FOXN3: variants seen among roughly 807,000 people sequenced by gnomAD.
FOXN3 encodes the protein forkhead box protein N3.
Under a neutral mutation model 38.4 loss-of-function variants are expected in FOXN3, and 7 were observed. That is an observed-to-expected ratio of 0.18 (90% confidence interval 0.10 to 0.34). FOXN3 has a LOEUF of 0.34. Among genes scored for constraint, FOXN3 ranks in the 10% least tolerant of loss-of-function variants. The pLI is 1.00. For missense variants in FOXN3, 456 were observed against 613.4 expected (o/e 0.74, Z 2.71); for synonymous variants, 230 against 242.2 (o/e 0.95, Z 0.47).
At chr14:89,559,408 T>G (rs1178261554) in intron 1 of FOXN3, among the ~76,000 whole-genome samples, 2 of 152,140 alleles carry the variant, frequency 1.3e-5, no homozygotes, top group African/African-American at 4.8e-5. Flanking sequence ...CCGGGCGTGG[T>G]GGCTCACGCC....
At chr14:89,292,039 C>T (rs918313139) in intron 3 of FOXN3, among the ~76,000 whole-genome samples, 23 of 152,306 alleles carry the variant, frequency 1.5e-4, no homozygotes, top group Admixed American at 9.8e-4. Context: ...CCAAACCTCC[C>T]GCTCCATCTT....
At chr14:89,390,208 AGAGT>A (rs1280232181) in intron 2 of FOXN3, among the ~76,000 whole-genome samples, 3 of 148,758 alleles carry the variant, frequency 2.0e-5, no homozygotes, top group Admixed American at 6.7e-5. Flanking sequence ...CTAAAATGAC[AGAGT>A]GAGACTCCCT....
At chr14:89,278,552 G>A (rs1886367522) in intron 4 of FOXN3, among the ~76,000 whole-genome samples, 1 of 152,086 alleles carries the variant, frequency 6.6e-6, no homozygotes, top group African/African-American at 2.4e-5. Flanking sequence ...GCTGGCTTCT[G>A]CTGGCCAGTC....
chr14:89,283,374 A>C (rs1049506400), intron 3 of FOXN3, among the ~76,000 whole-genome samples: 14 of 152,168 alleles, frequency 9.2e-5, no homozygotes, highest in African/African-American at 3.4e-4. Context: ...AGACAGACTC[A>C]TGGTTATGCC....
chr14:89,587,624 T>A (rs1447501469), intron 1 of FOXN3, among the ~76,000 whole-genome samples: 1 of 151,948 alleles, frequency 6.6e-6, no homozygotes, highest in Non-Finnish European at 1.5e-5. Context: ...TCCAAGCACT[T>A]TGGGAGGCAG....
intron 1 of FOXN3, among the ~76,000 whole-genome samples, chr14:89,503,226 A>T (rs1566677772): frequency 6.6e-6 from 1 of 152,160 alleles, no homozygotes; most frequent in Non-Finnish European, 1.5e-5. Context: ...TGCTACTGCA[A>T]ACTCTTTTGC....
rs769831252 is a variant in FOXN3, at chr14:89,162,457, G to A, written c.1364C>T (p.Thr455Met). ...CTTTTGCTCTTTCTGCCCCTTTGCC[G>A]TCCGATTGGTGATGTTATTCAAACA... is the stretch of plus-strand genomic sequence containing the variant. Reference protein sequence around the residue: ...RSCLNNITNRTAKGQKEQKET... With the variant: ...RSCLNNITNRMAKGQKEQKET... Residue 455 changes from threonine to methionine, a missense_variant, in exon 6 of 6, where the codon ACG becomes ATG. Physicochemically the swap from Thr to Met is moderately conservative, Grantham distance 81. This residue lies in a region of FOXN3 where 386 missense variants were observed against 505.2 expected (regional missense o/e 0.76). Coordinates refer to ENST00000557258, the MANE Select transcript of FOXN3 (RefSeq NM_005197.4). The surrounding 1 kb of genome is among the most constrained non-coding windows in gnomAD (Gnocchi z 7.2). 5 of 1,590,672 alleles carry A rather than the reference G, an allele frequency of 3.1e-6. No individual in the cohort carries two copies. The highest frequency in any genetic ancestry group is 4.3e-6 in the Non-Finnish European group (5 of 1,169,176).
At chr14:89,190,483 C>T in intron 4 of FOXN3, 1 of 1,569,432 alleles carries the variant, frequency 6.4e-7, no homozygotes, top group Non-Finnish European at 8.8e-7. Context: ...ACATTATTTA[C>T]AACGGGGCCG....
At chr14:89,554,010 G>GT (rs1895062065) in intron 1 of FOXN3, among the ~76,000 whole-genome samples, 1 of 151,790 alleles carries the variant, frequency 6.6e-6, no homozygotes, top group South Asian at 2.1e-4. Flanking sequence ...TTTTTGTTTT[G>GT]TTTTTTTATT....
intron 4 of FOXN3, among the ~76,000 whole-genome samples, chr14:89,255,155 G>A (rs1463855206): frequency 6.6e-6 from 1 of 152,198 alleles, no homozygotes; most frequent in Admixed American, 6.5e-5. Flanking sequence ...GGGCGAGAAC[G>A]CTAAGGACAC....
intron 4 of FOXN3, among the ~76,000 whole-genome samples, chr14:89,267,172 C>T (rs1385565428): frequency 6.6e-6 from 1 of 151,968 alleles, no homozygotes; most frequent in Non-Finnish European, 1.5e-5. Context: ...CAGGTTTGAC[C>T]CTGAGGAGAT....
chr14:89,610,872 G>A (rs1896375129), intron 1 of FOXN3, among the ~76,000 whole-genome samples: 1 of 152,154 alleles, frequency 6.6e-6, no homozygotes, highest in African/African-American at 2.4e-5. Context: ...TCCCTTGATT[G>A]ATCTTTTAAA....
At chr14:89,394,557 A>G (rs1403184564) in intron 2 of FOXN3, among the ~76,000 whole-genome samples, 1 of 152,140 alleles carries the variant, frequency 6.6e-6, no homozygotes, top group Non-Finnish European at 1.5e-5. Flanking sequence ...CCACAGCAGG[A>G]GTTTAGTAAA....
intron 1 of FOXN3, among the ~76,000 whole-genome samples, chr14:89,445,092 T>A (rs4899997): frequency 0.94 from 143,276 of 151,860 alleles, 67,653 homozygotes; most frequent in East Asian, 1. Flanking sequence ...ACTGCACTCC[T>A]GACTACCTAG....
At chr14:89,399,069 C>T (rs1396975554) in intron 2 of FOXN3, among the ~76,000 whole-genome samples, 1 of 152,226 alleles carries the variant, frequency 6.6e-6, no homozygotes, top group Non-Finnish European at 1.5e-5. Context: ...ATGTTTCAGA[C>T]TCAAGCCCCA....
chr14:89,174,226 C>T (rs1420193440), intron 5 of FOXN3, among the ~76,000 whole-genome samples: 1 of 152,044 alleles, frequency 6.6e-6, no homozygotes, highest in Middle Eastern at 3.2e-3. Flanking sequence ...TCACAAAATC[C>T]AGTCTAATTC....
intron 3 of FOXN3, among the ~76,000 whole-genome samples, chr14:89,302,470 C>T (rs1034429137): frequency 5.9e-5 from 9 of 152,120 alleles, no homozygotes; most frequent in African/African-American, 1.9e-4. Flanking sequence ...TCTTTGAATT[C>T]CTATGGCGAA....
chr14:89,524,851 T>C (rs913320557), intron 1 of FOXN3, among the ~76,000 whole-genome samples: 1 of 152,118 alleles, frequency 6.6e-6, no homozygotes, highest in Non-Finnish European at 1.5e-5. Context: ...TGAACACTTA[T>C]TAATCTTCCA....
At chr14:89,546,329 C>CTTTCTTTTTTTTTTTTTTTT (rs1555359724) in intron 1 of FOXN3, among the ~76,000 whole-genome samples, 9 of 78,314 alleles carry the variant, frequency 1.1e-4, no homozygotes, top group African/African-American at 4.3e-4. Context: ...TTTCCTTTTT[C>CTTTCTTTTTTTTTTTTTTTT]TTTTTTTTTT....
Sources: allele counts gnomAD v4.1 joint callset (sites outside exome capture counted in the v4.1 genomes callset), GRCh38; gene constraint gnomAD v4.1.1; regional missense constraint gnomAD v4.1.1; non-coding constraint Gnocchi (gnomAD v3.1); transcripts MANE v1.5; gene names NCBI Gene and HGNC (gene_info 2026-07-23, HGNC 2026-07-21).